Variants in SYN3 observed in about 807,000 individuals in gnomAD.
SYN3 encodes the protein synapsin-3.
In SYN3, 35 loss-of-function variants were observed where a neutral mutation model predicts 65.8. That is an observed-to-expected ratio of 0.53 (90% CI 0.41 to 0.70). SYN3 has a LOEUF of 0.70. Among genes scored for constraint, SYN3 ranks in the 30% least tolerant of loss-of-function variants. The pLI is 0.00. For synonymous variants in SYN3, 270 were observed against 292.9 expected, an observed-to-expected ratio of 0.92 and a Z score of 0.80; for missense variants, 680 against 749.0, an observed-to-expected ratio of 0.91 and a Z score of 1.08.
At chr22:32,557,630 G>A (rs771454005) in intron 7 of SYN3, among the ~76,000 whole-genome samples, 2 of 152,170 alleles carry the variant, frequency 1.3e-5, no homozygotes, top group Non-Finnish European at 2.9e-5. Context: ...AATAATTTAT[G>A]AGCCAACTGT....
intron 7 of SYN3, among the ~76,000 whole-genome samples, chr22:32,551,527 GA>G (rs11398828): frequency 0.33 from 48,234 of 146,096 alleles, 7,982 homozygotes; most frequent in East Asian, 0.55. Flanking sequence ...AAATGACAAG[GA>G]AAAAAAAAAA....
chr22:32,909,519 G>T (rs2049991618), intron 4 of SYN3, among the ~76,000 whole-genome samples: 1 of 152,092 alleles, frequency 6.6e-6, no homozygotes, highest in Non-Finnish European at 1.5e-5. Context: ...AATCTATTAG[G>T]CATGTTTTAT....
chr22:32,779,828 G>A (rs1375764095), intron 6 of SYN3, among the ~76,000 whole-genome samples: 3 of 152,056 alleles, frequency 2.0e-5, no homozygotes, highest in South Asian at 2.1e-4. Context: ...TACCATCAAG[G>A]GTCCAGGTTG....
chr22:32,783,975 CA>C (rs2145845412), intron 6 of SYN3, among the ~76,000 whole-genome samples: 1 of 152,298 alleles, frequency 6.6e-6, no homozygotes, highest in East Asian at 1.9e-4. Flanking sequence ...ATTTACCTTA[CA>C]AAGTTGGATG....
chr22:33,050,986 T>C (rs1482759782), intron 1 of SYN3, among the ~76,000 whole-genome samples: 7 of 152,196 alleles, frequency 4.6e-5, no homozygotes, highest in Non-Finnish European at 1.0e-4. Flanking sequence ...CTGAGCCCAC[T>C]TCATCAACAT....
chr22:32,584,783 A>G (rs565112371), intron 7 of SYN3, among the ~76,000 whole-genome samples: 1 of 152,304 alleles, frequency 6.6e-6, no homozygotes, highest in African/African-American at 2.4e-5. Context: ...TTTGAAATGA[A>G]TGTTCTTGGT....
At chr22:32,871,087 A>G (rs1316812221) in intron 4 of SYN3, among the ~76,000 whole-genome samples, 2 of 152,378 alleles carry the variant, frequency 1.3e-5, no homozygotes, top group East Asian at 3.9e-4. Flanking sequence ...CAGTGGCAGC[A>G]AACGTGGTGT....
intron 6 of SYN3, chr22:32,783,160 T>G (rs1041272694): frequency 6.6e-6 from 1 of 152,304 alleles, no homozygotes; most frequent in African/African-American, 2.4e-5. Context: ...TCTCCTGTGC[T>G]TCCTCTCTTG....
chr22:32,997,190 G>A (rs899675587), intron 2 of SYN3, among the ~76,000 whole-genome samples: 2 of 152,180 alleles, frequency 1.3e-5, no homozygotes, highest in African/African-American at 4.8e-5. Context: ...TCTTCCCTAT[G>A]TATACAATGA....
chr22:32,795,387 C>A (rs130561), intron 6 of SYN3, among the ~76,000 whole-genome samples: 90,197 of 151,978 alleles, frequency 0.59, 27,280 homozygotes, highest in African/African-American at 0.71. Flanking sequence ...GATCATGAGA[C>A]TCTATAGGAC....
At chr22:32,673,639 G>A (rs983543433) in intron 6 of SYN3, among the ~76,000 whole-genome samples, 2 of 152,224 alleles carry the variant, frequency 1.3e-5, no homozygotes, top group Non-Finnish European at 2.9e-5. Context: ...TCTCGAAGAA[G>A]CAACATTTAA....
At chr22:32,640,416 C>T (rs2059878997) in intron 6 of SYN3, among the ~76,000 whole-genome samples, 1 of 152,166 alleles carries the variant, frequency 6.6e-6, no homozygotes, top group African/African-American at 2.4e-5. Flanking sequence ...TCAAATTCTC[C>T]TTGAGAGATG....
intron 6 of SYN3, among the ~76,000 whole-genome samples, chr22:32,772,685 T>C (rs1024351275): frequency 1.3e-5 from 2 of 152,136 alleles, no homozygotes; most frequent in African/African-American, 4.8e-5. Flanking sequence ...AGAGGGAGAC[T>C]TAAGACAAAA....
At chr22:32,761,435 A>G (rs1337857471) in intron 6 of SYN3, among the ~76,000 whole-genome samples, 1 of 152,160 alleles carries the variant, frequency 6.6e-6, no homozygotes, top group Non-Finnish European at 1.5e-5. Context: ...GCAGAATGTC[A>G]ACACCCCAGG....
At chr22:32,716,483 C>A (rs1412688501) in intron 6 of SYN3, among the ~76,000 whole-genome samples, 2 of 151,970 alleles carry the variant, frequency 1.3e-5, no homozygotes, top group East Asian at 3.9e-4. Context: ...TACCCTAGGG[C>A]CCCATGTGGA....
intron 3 of SYN3, among the ~76,000 whole-genome samples, chr22:32,941,413 A>AT (rs1474531695): frequency 2.0e-5 from 3 of 151,968 alleles, no homozygotes; most frequent in Middle Eastern, 3.2e-3. Flanking sequence ...CATTTGTATT[A>AT]TTTTTTGCGC....
At chr22:32,592,059 G>C (rs1294192401) in intron 7 of SYN3, among the ~76,000 whole-genome samples, 1 of 152,190 alleles carries the variant, frequency 6.6e-6, no homozygotes, top group African/African-American at 2.4e-5. Context: ...TTTATCATAG[G>C]TATGTAGAGG....
intron 2 of SYN3, 68 bp from the exon 3 acceptor site, chr22:32,980,770 A>G: frequency 6.9e-7 from 1 of 1,448,546 alleles, no homozygotes. Context: ...CTTCTCCCAA[A>G]GGCCTTACCC....
At chr22:32,978,402 A>C (rs1199520815) in intron 3 of SYN3, among the ~76,000 whole-genome samples, 1 of 151,990 alleles carries the variant, frequency 6.6e-6, no homozygotes. Context: ...ATTAGGGAGG[A>C]GTAGGGTGGG....
Sources: allele counts gnomAD v4.1 joint callset (sites outside exome capture counted in the v4.1 genomes callset), GRCh38; gene constraint gnomAD v4.1.1; transcripts MANE v1.5; gene names NCBI Gene and HGNC (gene_info 2026-07-23, HGNC 2026-07-21).